Variants in CDH13 observed in about 807,000 individuals in gnomAD.
CDH13 encodes cadherin 13.
CDH13 carries 24 observed loss-of-function variants against 63.8 expected under a neutral mutation model. That is an observed-to-expected ratio of 0.38 (90% CI 0.27 to 0.53). CDH13 has a LOEUF of 0.53. Ranked by LOEUF, CDH13 falls within the 20% of genes least tolerant of loss-of-function variation. The probability of loss-of-function intolerance (pLI) is 0.85; values close to 1 mark genes in which losing one functional copy is unlikely to be tolerated. For missense variants in CDH13, 1,049 were observed against 903.1 expected, an observed-to-expected ratio of 1.16 and a Z score of -2.07; for synonymous variants, 503 against 355.3, an observed-to-expected ratio of 1.42 and a Z score of -4.67.
intron 6 of CDH13, among the ~76,000 whole-genome samples, chr16:83,479,754 C>G (rs556444594): frequency 6.6e-6 from 1 of 152,280 alleles, no homozygotes; most frequent in South Asian, 2.1e-4. Context: ...AATATTACTT[C>G]TAAGCAAGAG....
chr16:83,161,337 T>C (rs2037434280), intron 4 of CDH13, among the ~76,000 whole-genome samples: 1 of 150,514 alleles, frequency 6.6e-6, no homozygotes, highest in Non-Finnish European at 1.5e-5. Context: ...TGAGCTTCTA[T>C]ATTAAAGAAA....
At chr16:83,152,946 G>A (rs1256823009) in intron 4 of CDH13, among the ~76,000 whole-genome samples, 1 of 152,142 alleles carries the variant, frequency 6.6e-6, no homozygotes, top group Non-Finnish European at 1.5e-5. Flanking sequence ...CAGAGATTGG[G>A]ATGATGCATC....
chr16:83,181,196 G>A, intron 4 of CDH13: 3 of 510,614 alleles, frequency 5.9e-6, no homozygotes, highest in East Asian at 3.5e-5. Flanking sequence ...TGAGGCCTCA[G>A]GCAAGTCATT....
At chr16:83,442,539 C>T in intron 6 of CDH13, among the ~76,000 whole-genome samples, 1 of 116,362 alleles carries the variant, frequency 8.6e-6, no homozygotes, top group South Asian at 3.6e-4. Context: ...ACCTGGAAAA[C>T]TTTCACATTG....
At chr16:83,784,130 C>T (rs1266436716) in intron 13 of CDH13, among the ~76,000 whole-genome samples, 1 of 152,130 alleles carries the variant, frequency 6.6e-6, no homozygotes, top group Non-Finnish European at 1.5e-5. Context: ...TAACTGTTAC[C>T]ATCCAAAAGC....
chr16:83,630,483 G>A (rs112265069), intron 8 of CDH13, among the ~76,000 whole-genome samples: 25 of 152,302 alleles, frequency 1.6e-4, no homozygotes, highest in African/African-American at 5.1e-4. Context: ...GAGAGTGGGC[G>A]ATCAGGGAGC....
chr16:82,666,159 C>T (rs189664420), intron 1 of CDH13, among the ~76,000 whole-genome samples: 3 of 152,106 alleles, frequency 2.0e-5, no homozygotes, highest in Non-Finnish European at 4.4e-5. Flanking sequence ...AAAAATATAG[C>T]TGCTGGGGAA....
chr16:83,081,303 G>T (rs912130876), intron 3 of CDH13, among the ~76,000 whole-genome samples: 1 of 152,140 alleles, frequency 6.6e-6, no homozygotes, highest in Non-Finnish European at 1.5e-5. Flanking sequence ...CTGGTGAATG[G>T]GATAGACATG....
chr16:83,486,585 A>G lies in CDH13; in HGVS notation c.890A>G (p.Asn297Ser), dbSNP rs2073895943. Residue 297 changes from asparagine to serine, a missense_variant, in exon 7 of 14, where the codon AAC (asparagine) becomes AGC (serine). Coordinates refer to ENST00000567109, the MANE Select transcript of CDH13 (RefSeq NM_001257.5). ...RQQTPDKPSP[N>S]MFYIDPEKGD... Reference sequence around the variant, plus strand: ...CAGACGCCTGACAAGCCATCTCCCAACATGTTCTACATCGATCCTGAGAAA... The same window carrying G: ...CAGACGCCTGACAAGCCATCTCCCAGCATGTTCTACATCGATCCTGAGAAA... 6.2e-7 allele frequency: 1 copy of G among 1,613,916 alleles called. No individual in the cohort carries two copies. The highest frequency in any genetic ancestry group is 8.5e-7 in the Non-Finnish European group (1 of 1,179,836).
intron 1 of CDH13, among the ~76,000 whole-genome samples, chr16:82,664,285 T>C (rs1214888505): frequency 1.3e-5 from 2 of 152,076 alleles, no homozygotes; most frequent in East Asian, 3.9e-4. Flanking sequence ...AGTAGGAGGG[T>C]TGTTGGAAGA....
chr16:82,756,372 A>G (rs2034611277), intron 1 of CDH13, among the ~76,000 whole-genome samples: 1 of 146,204 alleles, frequency 6.8e-6, no homozygotes, highest in Non-Finnish European at 1.5e-5. Flanking sequence ...TAATAATAGT[A>G]AGAATAATAA....
intron 10 of CDH13, among the ~76,000 whole-genome samples, chr16:83,687,188 G>A (rs972493191): frequency 6.6e-6 from 1 of 152,116 alleles, no homozygotes; most frequent in South Asian, 2.1e-4. Flanking sequence ...CCTCCAACCT[G>A]GGTGACAGAG....
chr16:83,458,005 A>T (rs1195280269), intron 6 of CDH13, among the ~76,000 whole-genome samples: 1 of 152,266 alleles, frequency 6.6e-6, no homozygotes, highest in African/African-American at 2.4e-5. Context: ...GCAGAATGGG[A>T]GGCAGCTCTG....
intron 6 of CDH13, among the ~76,000 whole-genome samples, chr16:83,464,167 T>C (rs937837812): frequency 1.3e-5 from 2 of 152,076 alleles, no homozygotes; most frequent in African/African-American, 4.8e-5. Context: ...TCTACCGTCC[T>C]GGTTCAGGCA....
rs546480890 is a variant in CDH13 at position 83,035,976 on chromosome 16, T to C, written c.366+3758T>C. On this transcript the variant is annotated intron_variant, in intron 3 of 13. Coordinates refer to ENST00000567109, the MANE Select transcript of CDH13 (RefSeq NM_001257.5). Reference sequence around the variant, plus strand: ...TTCAAGTCTTTCATCCTCACAACAGTATGCTAAGGGAAGCTGTTACTGTTA... The same window carrying C: ...TTCAAGTCTTTCATCCTCACAACAGCATGCTAAGGGAAGCTGTTACTGTTA... Among the ~76,000 whole-genome samples, 311 of 152,208 alleles carry C rather than the reference T, an allele frequency of 2.0e-3. 1 individual carries two copies. Among genetic ancestry groups the C allele is most frequent in the Middle Eastern group, 0.017 (5 of 294 alleles).
At chr16:82,881,510 G>A (rs1036360246) in intron 2 of CDH13, among the ~76,000 whole-genome samples, 4 of 152,208 alleles carry the variant, frequency 2.6e-5, no homozygotes, top group Non-Finnish European at 5.9e-5. Flanking sequence ...GATGTGGGCT[G>A]TGGGAAGGAG....
At chr16:83,791,854 C>T (rs1407613766) in intron 13 of CDH13, among the ~76,000 whole-genome samples, 2 of 149,662 alleles carry the variant, frequency 1.3e-5, no homozygotes, top group Non-Finnish European at 3.0e-5. Context: ...AAAAGATAGC[C>T]AGTAAACACT....
At position 83,551,056 on chromosome 16, in the gene CDH13, A is replaced by ATCTATCTATCTATC. The variant is rs33969753; in HGVS notation, c.961-51397_961-51396insCTATCTATCTATCT. 7.5e-3 allele frequency among the ~76,000 whole-genome samples: 1,115 copies of ATCTATCTATCTATC among 148,462 alleles called. 14 individuals carry two copies. Among genetic ancestry groups the ATCTATCTATCTATC allele is most frequent in the East Asian group, 0.019 (94 of 4,992 alleles). On this transcript the variant is annotated intron_variant, in intron 7 of 13. Coordinates refer to ENST00000567109, the MANE Select transcript of CDH13 (RefSeq NM_001257.5). Reference sequence around the variant, plus strand: ...GTTCCATGGCCCCCTTAAGTCATTTATATCTATCTATCTATCTATCTATCT... The same window carrying ATCTATCTATCTATC: ...GTTCCATGGCCCCCTTAAGTCATTTATCTATCTATCTATCTATCTATCTATCTATCTATCTATCT...
Position 83,000,220 on chromosome 16 carries a change from C to CTTTTTT in CDH13, c.158-31788_158-31787insTTTTTT, listed in dbSNP as rs1567731430. On this transcript the variant is annotated intron_variant, in intron 2 of 13. Coordinates refer to ENST00000567109, the MANE Select transcript of CDH13 (RefSeq NM_001257.5). ...TCCCTAGGAATATCCACAGGTTTAG[C>CTTTTTT]TTATTTTTTTTTTTTTTTTTTTTTT... 9.7e-4 allele frequency among the ~76,000 whole-genome samples: 33 copies of CTTTTTT among 33,966 alleles called. 7 individuals carry two copies. The highest frequency in any genetic ancestry group is 3.0e-3 in the South Asian group (3 of 1,012). 22.3% of individuals were successfully genotyped at this position (33,966 alleles called of 152,430 possible). A position where few individuals can be genotyped will look rare whatever the true frequency, so the allele number is the denominator to read the frequency against.
Sources: allele counts gnomAD v4.1 joint callset (sites outside exome capture counted in the v4.1 genomes callset), GRCh38; gene constraint gnomAD v4.1.1; transcripts MANE v1.5; gene names NCBI Gene and HGNC (gene_info 2026-07-23, HGNC 2026-07-21).